OR51C1: variants seen among roughly 807,000 people sequenced by gnomAD.
OR51C1 encodes the protein olfactory receptor OR51C1.
the OR51C1 span, among the ~76,000 whole-genome samples, chr11:4,694,416 C>T: frequency 2.6e-4 from 40 of 151,768 alleles, no homozygotes; most frequent in Non-Finnish European, 5.4e-4. Flanking sequence ...GCCAATAACT[C>T]CACTTTAGCT....
chr11:4,696,450 A>G, the OR51C1 span, among the ~76,000 whole-genome samples: 1 of 152,158 alleles, frequency 6.6e-6, no homozygotes, highest in Non-Finnish European at 1.5e-5. Context: ...TACTCCTGAA[A>G]TGTAAAAGAT....
the OR51C1 span, chr11:4,692,256 G>A: frequency 5.4e-6 from 2 of 370,056 alleles, no homozygotes; most frequent in South Asian, 4.2e-5. Context: ...CACATAGGAA[G>A]TGACAAATAA....
At chr11:4,695,984 T>C in the OR51C1 span, among the ~76,000 whole-genome samples, 1 of 152,174 alleles carries the variant, frequency 6.6e-6, no homozygotes, top group Non-Finnish European at 1.5e-5. Flanking sequence ...TTATGGCATC[T>C]CCAGAGTTCT....
the OR51C1 span, chr11:4,691,772 C>A: frequency 9.5e-5 from 30 of 317,234 alleles, no homozygotes; most frequent in Non-Finnish European, 1.2e-4. Context: ...GTGTATTGAT[C>A]GAATTAAAAT....
chr11:4,696,623 T>TC, the OR51C1 span, among the ~76,000 whole-genome samples: 1 of 152,238 alleles, frequency 6.6e-6, no homozygotes. Context: ...GCACTAAATT[T>TC]CCCCCAAGCT....
the OR51C1 span, among the ~76,000 whole-genome samples, chr11:4,694,946 G>A: frequency 6.6e-6 from 1 of 152,212 alleles, no homozygotes; most frequent in African/African-American, 2.4e-5. Context: ...AAAAACAGGG[G>A]AAGTGTGCTT....
At chr11:4,697,244 G>A in the OR51C1 span, among the ~76,000 whole-genome samples, 28 of 152,282 alleles carry the variant, frequency 1.8e-4, 2 homozygotes, top group African/African-American at 5.3e-4. Context: ...AAATCTACAA[G>A]TAATATAAAC....
chr11:4,694,076 C>A, the OR51C1 span, among the ~76,000 whole-genome samples: 1 of 152,114 alleles, frequency 6.6e-6, no homozygotes, highest in African/African-American at 2.4e-5. Context: ...TGTTGTAGGA[C>A]ATTTTATGTA....
At chr11:4,697,458 T>C in the OR51C1 span, among the ~76,000 whole-genome samples, 1 of 152,204 alleles carries the variant, frequency 6.6e-6, no homozygotes, top group African/African-American at 2.4e-5. Flanking sequence ...CTAACCTATA[T>C]CAGGCAGAAC....
the OR51C1 span, among the ~76,000 whole-genome samples, chr11:4,693,534 A>C: frequency 1.3e-5 from 2 of 152,184 alleles, no homozygotes; most frequent in African/African-American, 2.4e-5. Flanking sequence ...ATCCTGGCTA[A>C]CATGGTGAAA....
At chr11:4,693,709 G>A in the OR51C1 span, among the ~76,000 whole-genome samples, 9 of 152,144 alleles carry the variant, frequency 5.9e-5, 2 homozygotes, top group South Asian at 1.0e-3. Context: ...GCGACAGAGC[G>A]AGACTCCGTT....
At chr11:4,691,304 C>T in the OR51C1 span, 1 of 457,372 alleles carries the variant, frequency 2.2e-6, no homozygotes, top group Non-Finnish European at 4.4e-6. Flanking sequence ...TCATGGCATA[C>T]CTAAGGGGAT....
At chr11:4,693,896 G>T in the OR51C1 span, among the ~76,000 whole-genome samples, 1 of 152,292 alleles carries the variant, frequency 6.6e-6, no homozygotes, top group Non-Finnish European at 1.5e-5. Flanking sequence ...TTATAATCCA[G>T]TGAGGCAGAA....
the OR51C1 span, among the ~76,000 whole-genome samples, chr11:4,694,053 A>T: frequency 6.6e-6 from 1 of 152,150 alleles, no homozygotes; most frequent in Non-Finnish European, 1.5e-5. Flanking sequence ...CTGAGTTGTA[A>T]TTTTTGTCAT....
At chr11:4,694,950 T>G in the OR51C1 span, among the ~76,000 whole-genome samples, 1 of 152,060 alleles carries the variant, frequency 6.6e-6, no homozygotes. Flanking sequence ...ACAGGGGAAG[T>G]GTGCTTTTGC....
chr11:4,691,482 C>A, the OR51C1 span: 2 of 455,872 alleles, frequency 4.4e-6, no homozygotes, highest in African/African-American at 4.0e-5. Context: ...TATGGACAGG[C>A]CGAGGTCAGT....
the OR51C1 span, chr11:4,690,823 A>G: frequency 2.2e-6 from 1 of 451,524 alleles, no homozygotes; most frequent in Non-Finnish European, 4.4e-6. Context: ...TTCACACTGT[A>G]GATGACAGGG....
At chr11:4,692,916 A>G in the OR51C1 span, among the ~76,000 whole-genome samples, 10 of 152,306 alleles carry the variant, frequency 6.6e-5, 1 homozygote, top group African/African-American at 9.6e-5. Context: ...ATGAAAAACA[A>G]GAAATTATAG....
the OR51C1 span, among the ~76,000 whole-genome samples, chr11:4,694,501 T>C: frequency 5.3e-3 from 758 of 143,888 alleles, 18 homozygotes; most frequent in East Asian, 0.023. Context: ...TATATATATA[T>C]ACACACACAT....
Sources: gnomAD v4.1 joint callset for allele counts (sites outside exome capture counted in the v4.1 genomes callset) on GRCh38, gnomAD v4.1.1 for gene constraint, MANE v1.5 for transcripts, NCBI Gene and HGNC (gene_info 2026-07-23, HGNC 2026-07-21) for gene names.